SMURF1: variants seen among roughly 807,000 people sequenced by gnomAD.
The protein encoded by SMURF1 is E3 ubiquitin-protein ligase SMURF1.
SMURF1 carries 44 observed loss-of-function variants against 98.0 expected under a neutral mutation model. The ratio of observed to expected loss-of-function variants is 0.45; its 90% CI spans 0.35 to 0.58. SMURF1 has a LOEUF of 0.58. Ranked by LOEUF, SMURF1 falls within the 20% of genes least tolerant of loss-of-function variation. The probability of loss-of-function intolerance (pLI) is 0.00; values close to 1 mark genes in which losing one functional copy is unlikely to be tolerated. For synonymous variants in SMURF1, 396 were observed against 374.9 expected (o/e 1.06, Z -0.65); for missense variants, 687 against 938.4 (o/e 0.73, Z 3.50).
chr7:99,033,365 C>CA (rs1794993096), intron 16 of SMURF1, among the ~76,000 whole-genome samples: 1 of 152,190 alleles, frequency 6.6e-6, no homozygotes, highest in Non-Finnish European at 1.5e-5. Flanking sequence ...GGCTGGAGTG[C>CA]AGTGGGGCAG....
chr7:99,108,611 CAAAAAAAAAAAAAA>C (rs11458541), intron 1 of SMURF1, among the ~76,000 whole-genome samples: 1 of 58,560 alleles, frequency 1.7e-5, no homozygotes, highest in Non-Finnish European at 3.0e-5. Flanking sequence ...AACTCTGTCT[CAAAAAAAAAAAAAA>C]AAAAAAAAAA....
At chr7:99,041,052 A>C (rs1244741756) in intron 12 of SMURF1, among the ~76,000 whole-genome samples, 3 of 152,148 alleles carry the variant, frequency 2.0e-5, no homozygotes, top group Admixed American at 2.0e-4. Context: ...GGAGGGAAGA[A>C]ATGCTAAGGG....
In SMURF1 at chr7:99,052,325, G is replaced by A; in HGVS notation, c.601C>T (p.Pro201Ser). 1 of 1,612,830 alleles carries A rather than the reference G, an allele frequency of 6.2e-7. No individual in the cohort carries two copies. The highest frequency in any genetic ancestry group is 1.1e-5 in the South Asian group (1 of 90,518). The change falls in exon 7 of 18, where the codon CCA becomes TCA. Residue 201 changes from proline to serine, a missense_variant. This residue lies in a region of SMURF1 where 415 missense variants were observed against 508.4 expected (regional missense o/e 0.82). Transcript: ENST00000361368. ...GGGNCRFVES[P>S]SQDQRLQAQR... ...GCCTGAAGTCTTTGATCTTGACTTG[G>A]GGACTCCACGAACCTGCAATTCCCT...
At chr7:99,086,010 C>T (rs770017716) in intron 1 of SMURF1, among the ~76,000 whole-genome samples, 1 of 152,168 alleles carries the variant, frequency 6.6e-6, no homozygotes, top group South Asian at 2.1e-4. Context: ...TGGTCAACAT[C>T]ATTAGCCATC....
chr7:99,099,805 T>G (rs1190817604), intron 1 of SMURF1, among the ~76,000 whole-genome samples: 1 of 152,204 alleles, frequency 6.6e-6, no homozygotes, highest in East Asian at 1.9e-4. Flanking sequence ...GCACACATCA[T>G]TTCCACTTCT....
chr7:99,056,726 G>A (rs1795884210), intron 5 of SMURF1, among the ~76,000 whole-genome samples: 1 of 152,196 alleles, frequency 6.6e-6, no homozygotes, highest in Non-Finnish European at 1.5e-5. Flanking sequence ...AAGGGGGCCG[G>A]GCATGGTGGC....
chr7:99,102,932 T>G (rs905629355), intron 1 of SMURF1, among the ~76,000 whole-genome samples: 1 of 151,704 alleles, frequency 6.6e-6, no homozygotes, highest in Non-Finnish European at 1.5e-5. Context: ...GCCTCCCAAG[T>G]AGCTGAGACC....
chr7:99,062,102 T>A (rs763903428), intron 1 of SMURF1, among the ~76,000 whole-genome samples: 3 of 152,142 alleles, frequency 2.0e-5, no homozygotes, highest in Non-Finnish European at 4.4e-5. Context: ...ATATACTTTT[T>A]TTTTTTTTAA....
chr7:99,048,093 A>AG, intron 9 of SMURF1: 1 of 556,638 alleles, frequency 1.8e-6, no homozygotes, highest in Non-Finnish European at 3.2e-6. Flanking sequence ...AGTACCATAA[A>AG]GGAGGTACCC....
At chr7:99,105,065 A>G (rs896687656) in intron 1 of SMURF1, among the ~76,000 whole-genome samples, 1 of 152,228 alleles carries the variant, frequency 6.6e-6, no homozygotes, top group Non-Finnish European at 1.5e-5. Flanking sequence ...TCTCTTCTAT[A>G]TATATCCCAT....
intron 1 of SMURF1, among the ~76,000 whole-genome samples, chr7:99,082,101 T>C (rs1373170411): frequency 6.6e-6 from 1 of 152,258 alleles, no homozygotes; most frequent in Non-Finnish European, 1.5e-5. Context: ...AAATGTCTGT[T>C]CAGATCCTTT....
chr7:99,114,152 T>A (rs916511652), intron 1 of SMURF1, among the ~76,000 whole-genome samples: 1 of 152,172 alleles, frequency 6.6e-6, no homozygotes, highest in East Asian at 1.9e-4. Flanking sequence ...AACTAGATTG[T>A]TATAAATTAA....
intron 11 of SMURF1, among the ~76,000 whole-genome samples, chr7:99,044,205 A>C (rs1294604192): frequency 6.6e-6 from 1 of 152,078 alleles, no homozygotes; most frequent in African/African-American, 2.4e-5. Context: ...CCAGCTACTC[A>C]GGGGGCTGAG....
chr7:99,140,279 TCC>T (rs915586739), intron 1 of SMURF1, among the ~76,000 whole-genome samples: 3 of 122,376 alleles, frequency 2.5e-5, no homozygotes, highest in African/African-American at 8.6e-5. Flanking sequence ...ATCTTCAGTA[TCC>T]TTTTTTTTTT....
intron 1 of SMURF1, among the ~76,000 whole-genome samples, chr7:99,117,132 G>A (rs887807474): frequency 1.3e-5 from 2 of 151,818 alleles, no homozygotes; most frequent in African/African-American, 4.8e-5. Context: ...AACAAATGGT[G>A]CAGGAACAAC....
At chr7:99,074,958 T>G (rs1193054777) in intron 1 of SMURF1, among the ~76,000 whole-genome samples, 3 of 152,188 alleles carry the variant, frequency 2.0e-5, no homozygotes, top group Non-Finnish European at 2.9e-5. Flanking sequence ...GTATCAATAA[T>G]CATTGGTACA....
intron 10 of SMURF1, among the ~76,000 whole-genome samples, chr7:99,046,556 C>T (rs1186594023): frequency 6.6e-6 from 1 of 151,652 alleles, no homozygotes; most frequent in Non-Finnish European, 1.5e-5. Flanking sequence ...GGTGAAACCC[C>T]CCCATCTCTA....
intron 1 of SMURF1, among the ~76,000 whole-genome samples, chr7:99,067,888 A>T (rs1381818956): frequency 2.6e-5 from 4 of 152,076 alleles, no homozygotes; most frequent in Admixed American, 2.6e-4. Context: ...TGGGAGGTGG[A>T]GGTTGCAGTG....
chr7:99,084,577 C>A (rs1796638001), intron 1 of SMURF1, among the ~76,000 whole-genome samples: 1 of 152,104 alleles, frequency 6.6e-6, no homozygotes, highest in Non-Finnish European at 1.5e-5. Context: ...ACATCAATAG[C>A]CCGTGAATAT....
Sources: gnomAD v4.1 joint callset for allele counts (sites outside exome capture counted in the v4.1 genomes callset) on GRCh38, gnomAD v4.1.1 for gene constraint, gnomAD v4.1.1 regional missense constraint, MANE v1.5 for transcripts, NCBI Gene and HGNC (gene_info 2026-07-23, HGNC 2026-07-21) for gene names.